PLXNA4: variants seen among roughly 807,000 people sequenced by gnomAD.
PLXNA4 encodes the protein plexin A4, also known as plexin-A4.
PLXNA4 carries 44 observed loss-of-function variants against 191.8 expected under a neutral mutation model. The observed-to-expected ratio is 0.23, with a 90% CI of 0.18 to 0.29. The LOEUF is 0.29. Ranked by LOEUF, PLXNA4 falls within the 10% of genes least tolerant of loss-of-function variation. PLXNA4 has a pLI of 1.00. For synonymous variants in PLXNA4, 1,082 were observed against 1,009.5 expected (o/e 1.07, Z -1.36); for missense variants, 1,800 against 2,488.8 (o/e 0.72, Z 5.89).
At chr7:132,426,751 TA>T (rs942819056) in intron 3 of PLXNA4, among the ~76,000 whole-genome samples, 8 of 152,106 alleles carry the variant, frequency 5.3e-5, no homozygotes, top group Admixed American at 4.6e-4. Context: ...GGGTGAAAAT[TA>T]GAGGGCAAAA....
chr7:132,384,677 C>T, intron 3 of PLXNA4: 1 of 1,000,606 alleles, frequency 1.0e-6, no homozygotes, highest in Non-Finnish European at 1.2e-6. Flanking sequence ...TTACATGATG[C>T]TGCAGTACGG....
chr7:132,404,091 C>T (rs913820844), intron 3 of PLXNA4, among the ~76,000 whole-genome samples: 12 of 152,106 alleles, frequency 7.9e-5, no homozygotes, highest in South Asian at 4.1e-4. Context: ...TTTGTTTCCA[C>T]GGGTCCCCAA....
chr7:132,344,003 C>T (rs1563047395), intron 3 of PLXNA4, among the ~76,000 whole-genome samples: 1 of 152,206 alleles, frequency 6.6e-6, no homozygotes, highest in Non-Finnish European at 1.5e-5. Context: ...TTAGTTTAGA[C>T]ACATCATTGC....
rs145144961 is a variant in PLXNA4 at position 132,445,885 on chromosome 7, G to A, written c.1371+43407C>T. Among the ~76,000 whole-genome samples, 599 of 152,256 alleles carry A rather than the reference G, an allele frequency of 3.9e-3. 10 individuals are homozygous for A. The highest frequency in any genetic ancestry group is 0.014 in the African/African-American group (561 of 41,554). On this transcript the variant is annotated intron_variant, in intron 3 of 31. Coordinates refer to ENST00000321063, the MANE Select transcript of PLXNA4 (RefSeq NM_020911.2). ...TCCTCACACAGCCTCTCAGGCTCAC[G>A]TGATAAGGTGGGAAAATGAAGGTCA...
chr7:132,198,414 AC>A (rs1797320487), intron 13 of PLXNA4, 70 bp downstream of exon 13: 1 of 1,539,402 alleles, frequency 6.5e-7, no homozygotes, highest in Non-Finnish European at 8.7e-7. Flanking sequence ...CTAGTTGCTG[AC>A]CAGGACATCC....
At chr7:132,280,279 A>T (rs1253121360) in intron 4 of PLXNA4, among the ~76,000 whole-genome samples, 1 of 152,198 alleles carries the variant, frequency 6.6e-6, no homozygotes, top group Admixed American at 6.5e-5. Flanking sequence ...CGAGAGATTG[A>T]GATAAAAATA....
At chr7:132,381,540 T>C (rs1253036582) in intron 3 of PLXNA4, among the ~76,000 whole-genome samples, 1 of 152,202 alleles carries the variant, frequency 6.6e-6, no homozygotes, top group African/African-American at 2.4e-5. Context: ...GACCAGATAA[T>C]CTTTTATTTA....
At chr7:132,245,431 G>C (rs1799017620) in intron 4 of PLXNA4, among the ~76,000 whole-genome samples, 1 of 152,208 alleles carries the variant, frequency 6.6e-6, no homozygotes, top group African/African-American at 2.4e-5. Flanking sequence ...CTGTGCTTGG[G>C]GAGAAGGATT....
At chr7:132,441,523 C>A (rs528033921) in intron 3 of PLXNA4, among the ~76,000 whole-genome samples, 2 of 152,290 alleles carry the variant, frequency 1.3e-5, no homozygotes, top group South Asian at 2.1e-4. Flanking sequence ...GAGCACGTTG[C>A]GCTCCGAAGC....
chr7:132,558,537 C>A (rs544271526), intron 1 of PLXNA4, among the ~76,000 whole-genome samples: 104 of 152,202 alleles, frequency 6.8e-4, no homozygotes, highest in African/African-American at 2.3e-3. Flanking sequence ...TAAGTATTTG[C>A]CAAGAAGGCT....
At chr7:132,429,085 TG>T (rs1795166280) in intron 3 of PLXNA4, among the ~76,000 whole-genome samples, 2 of 152,196 alleles carry the variant, frequency 1.3e-5, no homozygotes, top group South Asian at 4.2e-4. Context: ...GACCTCTCTG[TG>T]GAATAGCCAT....
At position 132,450,501 on chromosome 7, in the gene PLXNA4, A is replaced by G. The variant is rs140697427; in HGVS notation, c.1371+38791T>C. 1.2e-3 allele frequency among the ~76,000 whole-genome samples: 189 copies of G among 152,322 alleles called. 1 individual carries two copies. The highest frequency in any genetic ancestry group is 4.2e-3 in the African/African-American group (175 of 41,576). The stretch of plus-strand genomic sequence containing the variant: ...TGTTAATGAGAAAGCTCTAAGAGCC[A>G]TTAATCTCATTACTGTTCTATCAGC... On this transcript the variant is annotated intron_variant, in intron 3 of 31. Coordinates refer to ENST00000321063, the MANE Select transcript of PLXNA4 (RefSeq NM_020911.2).
intron 2 of PLXNA4, among the ~76,000 whole-genome samples, chr7:132,614,336 T>G (rs1197246108): frequency 6.6e-6 from 1 of 152,226 alleles, no homozygotes; most frequent in African/African-American, 2.4e-5. Context: ...CTAGCCACAT[T>G]TCAAGTGCTC....
At chr7:132,375,285 C>T (rs1319891503) in intron 3 of PLXNA4, among the ~76,000 whole-genome samples, 2 of 152,066 alleles carry the variant, frequency 1.3e-5, no homozygotes, top group African/African-American at 4.8e-5. Flanking sequence ...CCATCCCGCC[C>T]CCCCCCACGC....
intron 3 of PLXNA4, among the ~76,000 whole-genome samples, chr7:132,306,142 G>T (rs898640941): frequency 6.6e-6 from 1 of 152,180 alleles, no homozygotes; most frequent in Non-Finnish European, 1.5e-5. Context: ...GGCCAGAGGT[G>T]GAGGGGCTTG....
rs149841132 is a variant in PLXNA4, at chr7:132,305,024, C to T, written c.1372-6802G>A. Among the ~76,000 whole-genome samples the T allele has an allele frequency of 3.7e-3, 557 of 152,294 alleles. 4 individuals are homozygous for T. The highest frequency in any genetic ancestry group is 0.013 in the African/African-American group (528 of 41,570). ...TCCCACACTCTGGGCAAACCTCCTG[C>T]GCAGCAGGACCCCTGGTACCCCTGC... On this transcript the variant is annotated intron_variant, in intron 3 of 31. Transcript: ENST00000321063.
chr7:132,465,808 G>A (rs556114395), intron 3 of PLXNA4, among the ~76,000 whole-genome samples: 8 of 152,148 alleles, frequency 5.3e-5, no homozygotes, highest in Non-Finnish European at 1.2e-4. Context: ...ACCCAGAGGA[G>A]ACCACTTTTC....
At chr7:132,268,004 G>A (rs745754059) in intron 4 of PLXNA4, among the ~76,000 whole-genome samples, 34 of 152,108 alleles carry the variant, frequency 2.2e-4, no homozygotes, top group Admixed American at 2.2e-3. Flanking sequence ...TTGATTAGTT[G>A]GTTAATTGAA....
chr7:132,179,308 C>T (rs1324364991), intron 20 of PLXNA4, among the ~76,000 whole-genome samples: 1 of 147,170 alleles, frequency 6.8e-6, no homozygotes, highest in East Asian at 2.0e-4. Flanking sequence ...CATACACATA[C>T]ATACACACAC....
Sources: gnomAD v4.1 joint callset for allele counts (sites outside exome capture counted in the v4.1 genomes callset) on GRCh38, gnomAD v4.1.1 for gene constraint, MANE v1.5 for transcripts, NCBI Gene and HGNC (gene_info 2026-07-23, HGNC 2026-07-21) for gene names.